BMAL1: variants seen among roughly 807,000 people sequenced by gnomAD.
The protein encoded by BMAL1 is basic helix-loop-helix ARNT-like protein 1.
chr11:13,291,634 A>G, the BMAL1 span, among the ~76,000 whole-genome samples: 1 of 152,256 alleles, frequency 6.6e-6, no homozygotes, highest in African/African-American at 2.4e-5. Context: ...TTCACTCTCT[A>G]TTCAAGTTTC....
At chr11:13,289,680 G>T in the BMAL1 span, among the ~76,000 whole-genome samples, 3 of 152,142 alleles carry the variant, frequency 2.0e-5, no homozygotes, top group African/African-American at 4.8e-5. Context: ...ATGGTTTCTA[G>T]CTTCATCCAT....
At chr11:13,279,903 G>C in the BMAL1 span, among the ~76,000 whole-genome samples, 1 of 152,188 alleles carries the variant, frequency 6.6e-6, no homozygotes, top group Admixed American at 6.5e-5. Flanking sequence ...AACAGATCTG[G>C]TAGAAAAGCA....
At chr11:13,277,665 G>C in the BMAL1 span, 5 of 151,076 alleles carry the variant, frequency 3.3e-5, no homozygotes, top group South Asian at 8.4e-4. Flanking sequence ...CTGGCGGGAA[G>C]AGGCAGGTAT....
At chr11:13,318,936 C>A in the BMAL1 span, among the ~76,000 whole-genome samples, 1 of 152,062 alleles carries the variant, frequency 6.6e-6, no homozygotes, top group East Asian at 1.9e-4. Flanking sequence ...TCTTCTGTGA[C>A]CTCCCCCAAC....
the BMAL1 span, chr11:13,376,692 C>T: frequency 6.2e-7 from 1 of 1,614,058 alleles, no homozygotes; most frequent in Non-Finnish European, 8.5e-7. Context: ...CACAGCATCC[C>T]CCCACAGCAT....
chr11:13,375,621 C>T, the BMAL1 span: 23 of 1,571,820 alleles, frequency 1.5e-5, no homozygotes, highest in East Asian at 6.8e-5. Flanking sequence ...GTTTTACAGA[C>T]GAGAGAAAAA....
the BMAL1 span, among the ~76,000 whole-genome samples, chr11:13,317,574 T>C: frequency 6.6e-6 from 1 of 152,190 alleles, no homozygotes; most frequent in Non-Finnish European, 1.5e-5. Flanking sequence ...TGACAGTAAA[T>C]TGTGGGCAAT....
At chr11:13,297,439 CTGCCTGTGGGCCGGCAGT>C in the BMAL1 span, among the ~76,000 whole-genome samples, 1 of 152,216 alleles carries the variant, frequency 6.6e-6, no homozygotes, top group African/African-American at 2.4e-5. Context: ...GTTCTTCTCG[CTGCCTGTGGGCCGGCAGT>C]GAGGAGGACA....
chr11:13,286,711 A>G, the BMAL1 span, among the ~76,000 whole-genome samples: 3 of 152,318 alleles, frequency 2.0e-5, no homozygotes, highest in Middle Eastern at 3.4e-3. Flanking sequence ...TGATGAGTTG[A>G]AAGAAATTTT....
At chr11:13,376,310 G>A in the BMAL1 span, among the ~76,000 whole-genome samples, 1 of 152,216 alleles carries the variant, frequency 6.6e-6, no homozygotes, top group Non-Finnish European at 1.5e-5. Flanking sequence ...CCCCACCTAT[G>A]GTAAGAGCTG....
chr11:13,356,724 C>T, the BMAL1 span: 12 of 1,614,048 alleles, frequency 7.4e-6, no homozygotes, highest in Non-Finnish European at 1.0e-5. Context: ...GTCACATTCT[C>T]TTTTGTTTTT....
chr11:13,372,377 G>A, the BMAL1 span: 53 of 1,614,062 alleles, frequency 3.3e-5, no homozygotes, highest in South Asian at 7.7e-5. Context: ...CTCGGCACGC[G>A]ATAGATGGAA....
chr11:13,382,293 A>G, the BMAL1 span, among the ~76,000 whole-genome samples: 1 of 85,162 alleles, frequency 1.2e-5, no homozygotes, highest in African/African-American at 3.4e-5. Context: ...TAAGACTACA[A>G]AGTAAGACCT....
the BMAL1 span, among the ~76,000 whole-genome samples, chr11:13,284,162 GTGTATATATATATA>G: frequency 6.1e-5 from 5 of 82,480 alleles, no homozygotes; most frequent in East Asian, 3.0e-4. Context: ...ATATATATGT[GTGTATATATATATA>G]TGTGTATATA....
At chr11:13,357,403 C>T in the BMAL1 span, among the ~76,000 whole-genome samples, 4 of 152,368 alleles carry the variant, frequency 2.6e-5, no homozygotes, top group African/African-American at 7.2e-5. This position sits in a 1 kb window ranked among gnomAD's most constrained non-coding sequence, Gnocchi z 4.8. Flanking sequence ...CTGACTGGAG[C>T]GCCCTCCGCA....
At chr11:13,360,258 C>A in the BMAL1 span, 43 of 1,162,188 alleles carry the variant, frequency 3.7e-5, no homozygotes, top group African/African-American at 6.1e-4. Flanking sequence ...GAGACTAGGC[C>A]ACTTACAGAA....
At chr11:13,364,583 G>A in the BMAL1 span, among the ~76,000 whole-genome samples, 1 of 152,190 alleles carries the variant, frequency 6.6e-6, no homozygotes, top group Non-Finnish European at 1.5e-5. Context: ...GCATGACAGA[G>A]TGGGGCACAC....
chr11:13,320,955 A>G, the BMAL1 span, among the ~76,000 whole-genome samples: 4 of 152,352 alleles, frequency 2.6e-5, no homozygotes, highest in East Asian at 7.7e-4. Flanking sequence ...ATAGACCATA[A>G]ATAATAAATA....
At chr11:13,308,048 C>A in the BMAL1 span, among the ~76,000 whole-genome samples, 1 of 151,910 alleles carries the variant, frequency 6.6e-6, no homozygotes, top group Non-Finnish European at 1.5e-5. Context: ...AGGAGACTGT[C>A]GCAGCAATCT....
Sources: allele counts gnomAD v4.1 joint callset (sites outside exome capture counted in the v4.1 genomes callset), GRCh38; gene constraint gnomAD v4.1.1; non-coding constraint Gnocchi (gnomAD v3.1); transcripts MANE v1.5; gene names NCBI Gene and HGNC (gene_info 2026-07-23, HGNC 2026-07-21).